The following NEK10 variants were observed in gnomAD, a reference collection of about 807,000 sequenced individuals.
NEK10 encodes the protein serine/threonine-protein kinase Nek10.
In NEK10, 122 loss-of-function variants were observed where a neutral mutation model predicts 159.8. The observed-to-expected ratio is 0.76, with a 90% CI of 0.66 to 0.89. NEK10 has a LOEUF of 0.89. Among genes scored for constraint, NEK10 ranks in the 40% least tolerant of loss-of-function variants. The pLI is 0.00. For missense variants in NEK10, 1,342 were observed against 1,323.1 expected (o/e 1.01, Z -0.22); for synonymous variants, 466 against 457.1 (o/e 1.02, Z -0.25).
At chr3:27,155,230 G>A (rs189326616) in intron 30 of NEK10, among the ~76,000 whole-genome samples, 153 of 152,244 alleles carry the variant, frequency 1.0e-3, no homozygotes, top group African/African-American at 3.3e-3. Flanking sequence ...CTGGCTGGGC[G>A]TGGTGGCTCA....
Position 27,148,750 on chromosome 3 carries a change from C to T in NEK10, c.2870-7168G>A, listed in dbSNP as rs530302412. Reference sequence around the variant, plus strand: ...GCTGACCTACCTCCCTTTACTCCTACCAGAGAGTGGGATACCTTTCAACCC... The same window carrying T: ...GCTGACCTACCTCCCTTTACTCCTATCAGAGAGTGGGATACCTTTCAACCC... On this transcript the variant is annotated intron_variant, in intron 30 of 35. Transcript: ENST00000691995. Among the ~76,000 whole-genome samples, 34 of 152,290 alleles carry T rather than the reference C, an allele frequency of 2.2e-4. 1 individual carries two copies. The highest frequency in any genetic ancestry group is 1.2e-3 in the Admixed American group (19 of 15,304).
chr3:27,234,640 C>T (rs376832583), intron 23 of NEK10, among the ~76,000 whole-genome samples: 54 of 152,270 alleles, frequency 3.5e-4, no homozygotes, highest in African/African-American at 1.3e-3. Flanking sequence ...AAAAACATTC[C>T]ATGTTCATGG....
intron 23 of NEK10, among the ~76,000 whole-genome samples, chr3:27,214,630 A>G (rs139766182): frequency 9.3e-4 from 142 of 152,282 alleles, no homozygotes; most frequent in African/African-American, 3.3e-3. Context: ...ACAAAACAAG[A>G]AACAGACTTG....
rs1478134658 is a variant in NEK10 at position 27,210,255 on chromosome 3, T to A, written c.2091-7698A>T. 3.3e-5 allele frequency among the ~76,000 whole-genome samples: 5 copies of A among 151,482 alleles called. No homozygotes were observed. In the East Asian group the frequency reaches 9.6e-4, roughly 29 times the overall value. On this transcript the variant is annotated intron_variant, in intron 23 of 35. Coordinates refer to ENST00000691995, the MANE Select transcript of NEK10 (RefSeq NM_001394966.1). ...TGAGGGCCCTCTTGCTGGTGCAGAC[T>A]TTCTGCAGAGTCCCGAGGCACCATG...
intron 12 of NEK10, among the ~76,000 whole-genome samples, chr3:27,302,556 A>T (rs1041423425): frequency 1.3e-5 from 2 of 152,164 alleles, no homozygotes; most frequent in Non-Finnish European, 2.9e-5. Context: ...TCTTTGATGA[A>T]ATAAAGCATT....
intron 30 of NEK10, among the ~76,000 whole-genome samples, chr3:27,157,660 A>G (rs1410613466): frequency 6.6e-6 from 1 of 152,220 alleles, no homozygotes; most frequent in African/African-American, 2.4e-5. Flanking sequence ...TTTAGTTCAT[A>G]AAGCAGCAGT....
At chr3:27,292,767 CAAAA>C (rs35773318) in intron 16 of NEK10, among the ~76,000 whole-genome samples, 10 of 88,392 alleles carry the variant, frequency 1.1e-4, no homozygotes, top group Admixed American at 5.2e-4. Context: ...GAGCCTTTGT[CAAAA>C]AAAAAAAAAA....
intron 26 of NEK10, among the ~76,000 whole-genome samples, chr3:27,176,591 C>A (rs1290694767): frequency 6.6e-6 from 1 of 152,212 alleles, no homozygotes; most frequent in African/African-American, 2.4e-5. Context: ...TTCTTCCATG[C>A]CTACCTCTTT....
intron 23 of NEK10, among the ~76,000 whole-genome samples, chr3:27,238,997 C>A (rs771657255): frequency 5.9e-5 from 9 of 151,858 alleles, no homozygotes; most frequent in Non-Finnish European, 1.0e-4. Flanking sequence ...CAAGAGTCAA[C>A]CAATCAGAGG....
chr3:27,205,518 C>A (rs1450944685), intron 23 of NEK10, among the ~76,000 whole-genome samples: 1 of 100,618 alleles, frequency 9.9e-6, no homozygotes, highest in Non-Finnish European at 1.9e-5. Flanking sequence ...AGATATAGAT[C>A]AATGGAACAG....
In NEK10 at chr3:27,282,538, TTATATA is replaced by T. The variant is rs10525422; in HGVS notation, c.2014+2058_2014+2063del. On this transcript the variant is annotated intron_variant, in intron 22 of 35. Coordinates refer to ENST00000691995, the MANE Select transcript of NEK10 (RefSeq NM_001394966.1). ...TCTGTTGTATATATACATAAATGTG[TTATATA>T]TATATATATATATATACATAACTGT... is the stretch of plus-strand genomic sequence containing the variant. 9.5e-5 allele frequency among the ~76,000 whole-genome samples: 4 copies of T among 42,142 alleles called. 1 individual carries two copies. The highest frequency in any genetic ancestry group is 6.5e-4 in the South Asian group (1 of 1,534). 27.6% of individuals were successfully genotyped at this position (42,142 alleles called of 152,430 possible). A position where few individuals can be genotyped will look rare whatever the true frequency, so the allele number is the denominator to read the frequency against.
chr3:27,199,036 G>A (rs1416204956), intron 25 of NEK10, among the ~76,000 whole-genome samples: 1 of 144,244 alleles, frequency 6.9e-6, no homozygotes, highest in Non-Finnish European at 1.5e-5. Flanking sequence ...TCACACCACT[G>A]CACTCCAGCC....
intron 22 of NEK10, among the ~76,000 whole-genome samples, chr3:27,256,766 G>A (rs140931594): frequency 3.3e-5 from 5 of 152,110 alleles, no homozygotes; most frequent in Admixed American, 2.6e-4. Flanking sequence ...ACTAATCACA[G>A]TACAAGTATG....
At chr3:27,212,714 GA>G (rs1020928806) in intron 23 of NEK10, among the ~76,000 whole-genome samples, 1 of 152,250 alleles carries the variant, frequency 6.6e-6, no homozygotes, top group African/African-American at 2.4e-5. Flanking sequence ...AAATGAGGAA[GA>G]GGGGTGAAAA....
intron 32 of NEK10, among the ~76,000 whole-genome samples, chr3:27,129,199 A>C (rs1396239800): frequency 6.6e-6 from 1 of 152,136 alleles, no homozygotes; most frequent in Non-Finnish European, 1.5e-5. Context: ...GGTATAAATA[A>C]AGAGCTTAAT....
intron 30 of NEK10, among the ~76,000 whole-genome samples, chr3:27,155,107 A>G (rs1162602626): frequency 2.0e-5 from 3 of 152,226 alleles, no homozygotes; most frequent in Admixed American, 6.5e-5. Context: ...AATTTTCTAG[A>G]TACAAGATTA....
At chr3:27,347,080 T>C (rs1281638249) in intron 3 of NEK10, among the ~76,000 whole-genome samples, 4 of 152,196 alleles carry the variant, frequency 2.6e-5, no homozygotes, top group African/African-American at 9.7e-5. Flanking sequence ...AGCTAAATTA[T>C]TACAGATGAG....
chr3:27,125,228 A>G (rs530696394), intron 32 of NEK10, among the ~76,000 whole-genome samples: 1 of 152,188 alleles, frequency 6.6e-6, no homozygotes, highest in Non-Finnish European at 1.5e-5. Context: ...CTTTCTAGGC[A>G]AAACCTAAAT....
chr3:27,250,877 T>C (rs1202428313), intron 23 of NEK10, among the ~76,000 whole-genome samples: 5 of 152,172 alleles, frequency 3.3e-5, no homozygotes, highest in Admixed American at 1.3e-4. Flanking sequence ...AGTTTGATTA[T>C]TAAATACCTT....
Sources: gnomAD v4.1 joint callset for allele counts (sites outside exome capture counted in the v4.1 genomes callset) on GRCh38, gnomAD v4.1.1 for gene constraint, MANE v1.5 for transcripts, NCBI Gene and HGNC (gene_info 2026-07-23, HGNC 2026-07-21) for gene names.